The following ROCK1 variants were observed in gnomAD, a reference collection of about 807,000 sequenced individuals.
ROCK1 encodes the protein Rho associated coiled-coil containing protein kinase 1.
A neutral mutation model predicts 196.8 loss-of-function variants in ROCK1; 36 were observed. The observed-to-expected ratio is 0.18, with a 90% CI of 0.14 to 0.24. ROCK1 has a LOEUF of 0.24. ROCK1 is among the 10% of genes least tolerant of loss of function. ROCK1 has a pLI of 1.00. For missense variants in ROCK1, 920 were observed against 1,562.0 expected, an observed-to-expected ratio of 0.59 and a Z score of 6.93; for synonymous variants, 443 against 515.9, an observed-to-expected ratio of 0.86 and a Z score of 1.91.
intron 11 of ROCK1, 142 bp downstream of exon 11, chr18:21,023,478 G>T: frequency 2.3e-6 from 1 of 442,782 alleles, no homozygotes; most frequent in Non-Finnish European, 4.1e-6. Flanking sequence ...AAAAGGAGAT[G>T]GGAGATGAAA....
At chr18:21,051,201 A>G (rs2036201308) in intron 2 of ROCK1, among the ~76,000 whole-genome samples, 1 of 152,142 alleles carries the variant, frequency 6.6e-6, no homozygotes, top group Non-Finnish European at 1.5e-5. Context: ...TAATCCCAAA[A>G]CTTTGGGAAG....
At chr18:21,051,465 A>C (rs1179059826) in intron 2 of ROCK1, among the ~76,000 whole-genome samples, 1 of 152,122 alleles carries the variant, frequency 6.6e-6, no homozygotes, top group African/African-American at 2.4e-5. Context: ...AAAAAAGGAA[A>C]GAACAAGTGA....
chr18:21,028,715 T>C, intron 10 of ROCK1, 61 bp downstream of exon 10: 11 of 1,419,830 alleles, frequency 7.7e-6, no homozygotes, highest in Non-Finnish European at 1.0e-5. Flanking sequence ...AAAATGATTT[T>C]TAGATATTTC....
At chr18:21,063,250 G>T (rs190449394) in intron 2 of ROCK1, among the ~76,000 whole-genome samples, 26 of 150,396 alleles carry the variant, frequency 1.7e-4, no homozygotes, top group Admixed American at 1.3e-4. Flanking sequence ...GAGTTTTGGT[G>T]GGGGCATTCA....
chr18:20,974,326 T>C (rs900333790), intron 22 of ROCK1, among the ~76,000 whole-genome samples: 2 of 152,220 alleles, frequency 1.3e-5, no homozygotes, highest in African/African-American at 4.8e-5. Flanking sequence ...AGAAAGGATA[T>C]GCTGCCAATG....
chr18:20,980,589 C>A (rs1378028559), intron 21 of ROCK1, among the ~76,000 whole-genome samples: 1 of 152,090 alleles, frequency 6.6e-6, no homozygotes, highest in Admixed American at 6.6e-5. Context: ...AATTTACTAA[C>A]CAGTACACTT....
chr18:21,032,488 T>C (rs756750253), intron 9 of ROCK1, among the ~76,000 whole-genome samples: 3 of 147,818 alleles, frequency 2.0e-5, no homozygotes, highest in Non-Finnish European at 4.5e-5. Flanking sequence ...ATATATGACA[T>C]AGAAAACAAA....
rs2035584260 is a variant in ROCK1 at position 20,987,033 on chromosome 18, A to G, written c.2221T>C (p.Cys741Arg). 3 of 1,612,682 alleles carry G rather than the reference A, an allele frequency of 1.9e-6. No homozygotes were observed. Among genetic ancestry groups the G allele is most frequent in the Non-Finnish European group, 2.5e-6 (3 of 1,179,640 alleles). Residue 741 changes from cysteine to arginine, a missense_variant, in exon 19 of 33, where the codon TGT becomes CGT. Physicochemically the swap from Cys to Arg is radical, Grantham distance 180. Coordinates refer to ENST00000399799, the MANE Select transcript of ROCK1 (RefSeq NM_005406.3). Reference protein sequence around the residue: ...ENRVVQIEKQCSMLDVDLKQS... With the variant: ...ENRVVQIEKQRSMLDVDLKQS... ...TTCAGATCAACGTCTAGCATGGAACACTGTTTCTCAATCTGAACAACCCGA... is the reference window on the plus strand; with the variant it reads ...TTCAGATCAACGTCTAGCATGGAACGCTGTTTCTCAATCTGAACAACCCGA...
chr18:21,075,742 T>C (rs955929334), intron 1 of ROCK1, among the ~76,000 whole-genome samples: 2 of 151,250 alleles, frequency 1.3e-5, no homozygotes, highest in African/African-American at 4.9e-5. Flanking sequence ...TCACCTGAGG[T>C]CGGAGTTTGA....
At chr18:20,972,305 TGAG>T (rs2035436805) in intron 22 of ROCK1, among the ~76,000 whole-genome samples, 1 of 152,110 alleles carries the variant, frequency 6.6e-6, no homozygotes, top group East Asian at 1.9e-4. Flanking sequence ...AGGACTGAAA[TGAG>T]GAAGACAGGA....
chr18:21,014,172 T>C (rs2035843533), intron 13 of ROCK1, among the ~76,000 whole-genome samples: 1 of 152,126 alleles, frequency 6.6e-6, no homozygotes, highest in Admixed American at 6.5e-5. Context: ...TGCTCCTTTT[T>C]TGGTCTTTAG....
chr18:20,951,489 T>C, intron 32 of ROCK1, 102 bp from the exon 33 acceptor site: 4 of 849,754 alleles, frequency 4.7e-6, no homozygotes, highest in Non-Finnish European at 6.9e-6. Flanking sequence ...TATCTTTACA[T>C]AAAATAATTA....
At chr18:20,988,241 T>C (rs920072737) in intron 18 of ROCK1, among the ~76,000 whole-genome samples, 6 of 152,070 alleles carry the variant, frequency 3.9e-5, no homozygotes, top group African/African-American at 1.4e-4. Flanking sequence ...AATTTTTGTA[T>C]TTTTCAGTAG....
chr18:21,043,001 T>G (rs1598540665), intron 6 of ROCK1, among the ~76,000 whole-genome samples: 1 of 152,254 alleles, frequency 6.6e-6, no homozygotes, highest in Non-Finnish European at 1.5e-5. Context: ...AGTGATTATT[T>G]TGTAATAATG....
In ROCK1 at chr18:20,959,797, G is replaced by A. The variant is rs201088321; in HGVS notation, c.3512+43C>T. On this transcript the variant is annotated intron_variant, in intron 29 of 32. Transcript: ENST00000399799. ...TTAAGTCTAAAAATAATTATCAAAA[G>A]TTAGCTCTCAACCCCTTTAAAATTC... 1.4e-5 allele frequency: 14 copies of A among 1,006,458 alleles called. No individual in the cohort carries two copies. In the African/African-American group the frequency reaches 2.2e-4, roughly 16 times the overall value. The allele number at this position is 1,006,458 out of a possible 1,614,324, so 62.3% of individuals were successfully genotyped here. A position where few individuals can be genotyped will look rare whatever the true frequency, so the allele number is the denominator to read the frequency against.
chr18:21,030,813 C>G (rs550249580), intron 9 of ROCK1, among the ~76,000 whole-genome samples: 2 of 152,188 alleles, frequency 1.3e-5, no homozygotes, highest in African/African-American at 4.8e-5. Context: ...AAAAAAGAGT[C>G]CAGCAGATGT....
intron 1 of ROCK1, among the ~76,000 whole-genome samples, chr18:21,078,068 C>A (rs1291387946): frequency 4.6e-5 from 7 of 152,190 alleles, no homozygotes; most frequent in Non-Finnish European, 8.8e-5. Context: ...GTGGCTCATG[C>A]CTGTAATCCC....
intron 22 of ROCK1, among the ~76,000 whole-genome samples, chr18:20,975,587 C>G (rs1186414690): frequency 6.6e-6 from 1 of 151,904 alleles, no homozygotes; most frequent in Non-Finnish European, 1.5e-5. Context: ...GTATGTGGCA[C>G]TTTTTAAAAT....
chr18:20,971,972 G>C (rs2035433438), intron 22 of ROCK1, among the ~76,000 whole-genome samples: 1 of 152,026 alleles, frequency 6.6e-6, no homozygotes, highest in Non-Finnish European at 1.5e-5. Context: ...GCAATACAAG[G>C]ACTTTGACTT....
Sources: gnomAD v4.1 joint callset for allele counts (sites outside exome capture counted in the v4.1 genomes callset) on GRCh38, gnomAD v4.1.1 for gene constraint, MANE v1.5 for transcripts, NCBI Gene and HGNC (gene_info 2026-07-23, HGNC 2026-07-21) for gene names.